CHN2: variants seen among roughly 807,000 people sequenced by gnomAD.
CHN2 encodes chimerin 2, also known as beta-chimaerin.
Under a neutral mutation model 56.3 loss-of-function variants are expected in CHN2, and 35 were observed. That is an observed-to-expected ratio of 0.62 (90% CI 0.47 to 0.82). The LOEUF (loss-of-function observed/expected upper bound fraction) is 0.82, where lower values mean the gene tolerates loss of function less well. CHN2 is among the 40% of genes least tolerant of loss of function. The probability of loss-of-function intolerance (pLI) is 0.00; values close to 1 mark genes in which losing one functional copy is unlikely to be tolerated. For synonymous variants in CHN2, 210 were observed against 212.8 expected (o/e 0.99, Z 0.12); for missense variants, 491 against 580.5 (o/e 0.85, Z 1.58).
At chr7:29,195,310 G>T (rs1018847158) in intron 1 of CHN2, 2 of 322,598 alleles carry the variant, frequency 6.2e-6, no homozygotes, top group Non-Finnish European at 5.6e-6. Context: ...CAGCTGGAGC[G>T]GGGGCTGGCG....
chr7:29,285,884 C>G (rs1792101843), intron 1 of CHN2, among the ~76,000 whole-genome samples: 1 of 152,174 alleles, frequency 6.6e-6, no homozygotes, highest in Admixed American at 6.5e-5. Context: ...AGGTCAGAGC[C>G]CTCTAGCACC....
At chr7:29,373,333 C>T (rs376953586) in intron 3 of CHN2, among the ~76,000 whole-genome samples, 32 of 152,070 alleles carry the variant, frequency 2.1e-4, no homozygotes, top group Admixed American at 5.9e-4. Flanking sequence ...TACCCCACTG[C>T]ACCTGGCTCA....
chr7:29,155,369 A>C (rs537189175), intron 2 of CHN2, among the ~76,000 whole-genome samples: 2 of 152,328 alleles, frequency 1.3e-5, no homozygotes, highest in East Asian at 3.9e-4. Flanking sequence ...GAAAAGAAAG[A>C]AATTAAAAGG....
chr7:29,486,645 A>T (rs1351373214), intron 7 of CHN2, among the ~76,000 whole-genome samples: 1 of 152,014 alleles, frequency 6.6e-6, no homozygotes, highest in East Asian at 1.9e-4. Flanking sequence ...ACTTACTCTT[A>T]TATGTCCCCC....
chr7:29,151,059 C>G (rs574320659), intron 2 of CHN2, among the ~76,000 whole-genome samples: 16 of 152,074 alleles, frequency 1.1e-4, no homozygotes, highest in Non-Finnish European at 2.2e-4. Flanking sequence ...GCCCAGGTGG[C>G]GGTAACCAAG....
In CHN2 at chr7:29,378,645, C is replaced by A. The variant is rs1445161705; in HGVS notation, c.144+10658C>A. On this transcript the variant is annotated intron_variant, in intron 3 of 12. Transcript: ENST00000222792. ...CTTGCTAGAAAAAAGTTTGCCGACCCCTGGTCTTACACTAAAAGTAACTTT... is the reference window on the plus strand; with the variant it reads ...CTTGCTAGAAAAAAGTTTGCCGACCACTGGTCTTACACTAAAAGTAACTTT... Among the ~76,000 whole-genome samples the A allele has an allele frequency of 4.6e-5, 7 of 152,256 alleles. No individual in the cohort carries two copies. In the East Asian group the frequency reaches 1.4e-3, roughly 30 times the overall value.
intron 1 of CHN2, among the ~76,000 whole-genome samples, chr7:29,315,206 C>G (rs1022433657): frequency 1.3e-5 from 2 of 152,142 alleles, no homozygotes; most frequent in Non-Finnish European, 2.9e-5. Flanking sequence ...CAAGGATCTT[C>G]TCATTATGAA....
Position 29,421,341 on chromosome 7 carries a change from T to G in CHN2, c.576+20513T>G, listed in dbSNP as rs925762511. ...AAATTAAAAATTACCCCCCATTTCCTGCCTTTGGGCTACTTTAGTGCCTCT... is the reference window on the plus strand; with the variant it reads ...AAATTAAAAATTACCCCCCATTTCCGGCCTTTGGGCTACTTTAGTGCCTCT... On this transcript the variant is annotated intron_variant, in intron 6 of 12. Coordinates refer to ENST00000222792, the MANE Select transcript of CHN2 (RefSeq NM_004067.4). Among the ~76,000 whole-genome samples, 9 of 152,162 alleles carry G rather than the reference T, an allele frequency of 5.9e-5. No homozygotes were observed. The South Asian group carries it at 1.9e-3, about 31-fold the overall frequency.
chr7:29,337,829 T>C (rs1796741819), intron 1 of CHN2, among the ~76,000 whole-genome samples: 1 of 152,208 alleles, frequency 6.6e-6, no homozygotes, highest in Admixed American at 6.5e-5. Flanking sequence ...CTCTGTGGTG[T>C]GGTTGATGGG....
At chr7:29,380,836 A>G (rs988854367) in intron 3 of CHN2, 5 of 152,200 alleles carry the variant, frequency 3.3e-5, no homozygotes, top group Non-Finnish European at 1.5e-5. Flanking sequence ...GAGAGTTTGG[A>G]GGAGAATAAT....
chr7:29,357,495 T>G (rs963487542), intron 2 of CHN2, among the ~76,000 whole-genome samples: 2 of 152,234 alleles, frequency 1.3e-5, no homozygotes, highest in African/African-American at 4.8e-5. Flanking sequence ...ATCCATTTGT[T>G]TAATCTTTCA....
At chr7:29,256,429 A>G (rs1789085379) in intron 1 of CHN2, among the ~76,000 whole-genome samples, 1 of 152,252 alleles carries the variant, frequency 6.6e-6, no homozygotes, top group Non-Finnish European at 1.5e-5. Context: ...AAAGAAGAGC[A>G]ACGGGCATTT....
At chr7:29,232,959 T>C (rs1421988968) in intron 1 of CHN2, among the ~76,000 whole-genome samples, 1 of 152,242 alleles carries the variant, frequency 6.6e-6, no homozygotes, top group Non-Finnish European at 1.5e-5. Flanking sequence ...TATGACTTAA[T>C]TTCCATTGTC....
chr7:29,179,572 G>A (rs1448162905), intron 2 of CHN2, among the ~76,000 whole-genome samples: 1 of 152,194 alleles, frequency 6.6e-6, no homozygotes. Flanking sequence ...GAACAAGGCA[G>A]ATGTTAGTAA....
intron 6 of CHN2, among the ~76,000 whole-genome samples, chr7:29,442,934 C>CTTTTTTTTTTTCTTTTTTTTTTTT (rs564931650): frequency 2.9e-5 from 3 of 103,068 alleles, no homozygotes; most frequent in Admixed American, 2.0e-4. Flanking sequence ...CATTGAATTT[C>CTTTTTTTTTTTCTTTTTTTTTTTT]TTTTTTTTTT....
intron 2 of CHN2, among the ~76,000 whole-genome samples, chr7:29,175,750 A>T (rs1351202308): frequency 6.6e-6 from 1 of 150,742 alleles, no homozygotes; most frequent in Non-Finnish European, 1.5e-5. Flanking sequence ...GAGCACAGGG[A>T]AAAAAACAAA....
intron 7 of CHN2, among the ~76,000 whole-genome samples, chr7:29,494,104 G>T (rs1788963566): frequency 1.3e-5 from 2 of 152,094 alleles, no homozygotes; most frequent in South Asian, 4.1e-4. Flanking sequence ...TATTCCTTCT[G>T]CTGGGAATGA....
chr7:29,507,456 A>T, intron 11 of CHN2, 91 bp downstream of exon 11: 1 of 967,626 alleles, frequency 1.0e-6, no homozygotes, highest in Non-Finnish European at 1.5e-6. Flanking sequence ...AACTGTTTAA[A>T]TTATTGCATT....
At chr7:29,195,635 T>A (rs62444105) in intron 1 of CHN2, among the ~76,000 whole-genome samples, 15,141 of 103,684 alleles carry the variant, frequency 0.15, 884 homozygotes, top group East Asian at 0.27. Flanking sequence ...AGAGAGTGTG[T>A]GTGTGTGTGT....
Sources: gnomAD v4.1 joint callset for allele counts (sites outside exome capture counted in the v4.1 genomes callset) on GRCh38, gnomAD v4.1.1 for gene constraint, MANE v1.5 for transcripts, NCBI Gene and HGNC (gene_info 2026-07-23, HGNC 2026-07-21) for gene names.